The following SYNDIG1 variants were observed in gnomAD, a reference collection of about 807,000 sequenced individuals.
The protein encoded by SYNDIG1 is synapse differentiation-inducing gene protein 1.
SYNDIG1 carries 9 observed loss-of-function variants against 19.4 expected under a neutral mutation model. That is an observed-to-expected ratio of 0.46 (90% CI 0.28 to 0.81). The LOEUF (loss-of-function observed/expected upper bound fraction) is 0.81. SYNDIG1 is among the 30% of genes least tolerant of loss of function. SYNDIG1 has a pLI of 0.12. For missense variants in SYNDIG1, 311 were observed against 343.3 expected (o/e 0.91, Z 0.74); for synonymous variants, 141 against 145.9 (o/e 0.97, Z 0.24).
intron 1 of SYNDIG1, among the ~76,000 whole-genome samples, chr20:24,514,478 G>C (rs1166722072): frequency 6.6e-6 from 1 of 152,124 alleles, no homozygotes. Flanking sequence ...TGCAATCCTA[G>C]TCTCTGATAA....
chr20:24,618,562 G>A (rs2058985989), intron 3 of SYNDIG1, among the ~76,000 whole-genome samples: 1 of 152,062 alleles, frequency 6.6e-6, no homozygotes, highest in Admixed American at 6.5e-5. Flanking sequence ...TCTATACTCC[G>A]AGGAAAAAAA....
At chr20:24,575,352 C>T (rs1014362023) in intron 2 of SYNDIG1, among the ~76,000 whole-genome samples, 14 of 152,218 alleles carry the variant, frequency 9.2e-5, no homozygotes, top group African/African-American at 3.4e-4. Context: ...CAGCTTCAAC[C>T]GTTCTGCCCA....
intron 3 of SYNDIG1, among the ~76,000 whole-genome samples, chr20:24,587,985 A>G (rs968179239): frequency 4.6e-5 from 7 of 152,234 alleles, no homozygotes; most frequent in African/African-American, 1.7e-4. Flanking sequence ...ACAACATCTT[A>G]TGGTGGTCTG....
intron 3 of SYNDIG1, among the ~76,000 whole-genome samples, chr20:24,622,376 G>C (rs2059052732): frequency 6.6e-6 from 1 of 152,208 alleles, no homozygotes; most frequent in Non-Finnish European, 1.5e-5. Context: ...CAGGAATGTG[G>C]AACAATACAA....
At chr20:24,493,657 A>C (rs2056219100) in intron 1 of SYNDIG1, among the ~76,000 whole-genome samples, 1 of 152,224 alleles carries the variant, frequency 6.6e-6, no homozygotes, top group Non-Finnish European at 1.5e-5. Context: ...CTGGGCCTGA[A>C]ATCTAGCACC....
chr20:24,630,824 A>C (rs1451180231), intron 3 of SYNDIG1, among the ~76,000 whole-genome samples: 1 of 152,238 alleles, frequency 6.6e-6, no homozygotes, highest in Non-Finnish European at 1.5e-5. Flanking sequence ...AGAATGTCCC[A>C]TCTAGAGGGA....
intron 1 of SYNDIG1, among the ~76,000 whole-genome samples, chr20:24,514,951 A>G (rs187704644): frequency 9.2e-5 from 14 of 152,368 alleles, no homozygotes; most frequent in African/African-American, 3.1e-4. Flanking sequence ...CAACCAAACT[A>G]GAACTCAGGA....
At chr20:24,516,516 C>T (rs2056867963) in intron 1 of SYNDIG1, among the ~76,000 whole-genome samples, 1 of 152,160 alleles carries the variant, frequency 6.6e-6, no homozygotes, top group Admixed American at 6.6e-5. Context: ...AGGATATGAA[C>T]AGACACTTGT....
At chr20:24,615,897 C>T (rs1429708818) in intron 3 of SYNDIG1, among the ~76,000 whole-genome samples, 2 of 138,940 alleles carry the variant, frequency 1.4e-5, no homozygotes, top group Non-Finnish European at 3.1e-5. Flanking sequence ...TTTAGCACAT[C>T]CACGAGCCTG....
chr20:24,632,318 C>T (rs1429617560), intron 3 of SYNDIG1, among the ~76,000 whole-genome samples: 1 of 152,192 alleles, frequency 6.6e-6, no homozygotes, highest in Non-Finnish European at 1.5e-5. Flanking sequence ...CAACTCACTG[C>T]AAACTCTGCC....
At chr20:24,533,149 A>G (rs921777338) in intron 1 of SYNDIG1, among the ~76,000 whole-genome samples, 3 of 152,166 alleles carry the variant, frequency 2.0e-5, no homozygotes, top group African/African-American at 4.8e-5. Context: ...AACTGAGGAC[A>G]CCGAGACATG....
At chr20:24,535,910 T>C (rs2057352232) in intron 1 of SYNDIG1, among the ~76,000 whole-genome samples, 1 of 152,204 alleles carries the variant, frequency 6.6e-6, no homozygotes, top group Non-Finnish European at 1.5e-5. Context: ...GGTACTGACT[T>C]AAACAAGTAA....
chr20:24,547,450 T>G (rs979246153), intron 2 of SYNDIG1, among the ~76,000 whole-genome samples: 2 of 152,232 alleles, frequency 1.3e-5, no homozygotes, highest in Non-Finnish European at 2.9e-5. Context: ...TGATCTGTCC[T>G]GCTCCACCTT....
At chr20:24,620,007 A>T (rs916707571) in intron 3 of SYNDIG1, among the ~76,000 whole-genome samples, 3 of 152,150 alleles carry the variant, frequency 2.0e-5, no homozygotes, top group Admixed American at 6.5e-5. Context: ...AATCCTGGCC[A>T]CCCTGGAGAG....
intron 1 of SYNDIG1, among the ~76,000 whole-genome samples, chr20:24,537,646 G>A (rs1461539124): frequency 6.6e-6 from 1 of 152,142 alleles, no homozygotes; most frequent in Non-Finnish European, 1.5e-5. Context: ...GCTGTCAGAT[G>A]GGGCTCCAGA....
At chr20:24,664,306 A>G (rs1338359034) in intron 3 of SYNDIG1, among the ~76,000 whole-genome samples, 2 of 152,124 alleles carry the variant, frequency 1.3e-5, no homozygotes, top group African/African-American at 4.8e-5. Flanking sequence ...AGTGAATGAC[A>G]TGCCGACTCC....
intron 2 of SYNDIG1, among the ~76,000 whole-genome samples, chr20:24,575,390 G>A (rs1201662378): frequency 6.6e-6 from 1 of 152,202 alleles, no homozygotes; most frequent in Non-Finnish European, 1.5e-5. Flanking sequence ...TTTATTCCCA[G>A]AGAGTCTGTT....
At chr20:24,618,270 G>A (rs888951488) in intron 3 of SYNDIG1, among the ~76,000 whole-genome samples, 4 of 150,106 alleles carry the variant, frequency 2.7e-5, no homozygotes, top group African/African-American at 7.4e-5. Flanking sequence ...GGAGAGTCCC[G>A]GAAGGGGGGT....
intron 3 of SYNDIG1, among the ~76,000 whole-genome samples, chr20:24,645,037 C>A (rs2059410679): frequency 6.6e-6 from 1 of 152,220 alleles, no homozygotes. Context: ...ACCGGTCAGT[C>A]TGACCCTGGA....
Sources: gnomAD v4.1 joint callset for allele counts (sites outside exome capture counted in the v4.1 genomes callset) on GRCh38, gnomAD v4.1.1 for gene constraint, MANE v1.5 for transcripts, NCBI Gene and HGNC (gene_info 2026-07-23, HGNC 2026-07-21) for gene names.